Variants in TPX2 observed in about 807,000 individuals in gnomAD.
TPX2 encodes targeting protein for Xklp2.
A neutral mutation model predicts 93.6 loss-of-function variants in TPX2; 21 were observed. That is an observed-to-expected ratio of 0.22 (90% CI 0.16 to 0.32). TPX2 has a LOEUF of 0.32. TPX2 is among the 10% of genes least tolerant of loss of function. The probability of loss-of-function intolerance (pLI) is 1.00; values close to 1 mark genes in which losing one functional copy is unlikely to be tolerated. For missense variants in TPX2, 776 were observed against 871.1 expected (o/e 0.89, Z 1.37); for synonymous variants, 281 against 298.3 (o/e 0.94, Z 0.60).
chr20:31,772,145 C>G (rs143137872), intron 7 of TPX2, among the ~76,000 whole-genome samples: 1 of 151,836 alleles, frequency 6.6e-6, no homozygotes, highest in Non-Finnish European at 1.5e-5. Flanking sequence ...CTCAGCCTCC[C>G]GAGTAGCCCG....
At chr20:31,754,777 G>A (rs1177089044) in intron 2 of TPX2, among the ~76,000 whole-genome samples, 1 of 152,004 alleles carries the variant, frequency 6.6e-6, no homozygotes, top group Non-Finnish European at 1.5e-5. Context: ...TCAAGGATAA[G>A]TAATTATGGA....
At chr20:31,753,254 T>A (rs748485544) in intron 2 of TPX2, among the ~76,000 whole-genome samples, 1 of 152,232 alleles carries the variant, frequency 6.6e-6, no homozygotes, top group Non-Finnish European at 1.5e-5. Context: ...GAAAGAACAT[T>A]GTGCTGAAGT....
intron 4 of TPX2, among the ~76,000 whole-genome samples, chr20:31,765,314 CAAAA>C (rs796500792): frequency 1.9e-5 from 1 of 53,702 alleles, no homozygotes; most frequent in Non-Finnish European, 3.9e-5. Flanking sequence ...TATTGAAAAG[CAAAA>C]AAAAAAAAAA....
chr20:31,757,296 A>G (rs2061858056), intron 2 of TPX2, 111 bp from the exon 3 acceptor site: 1 of 586,406 alleles, frequency 1.7e-6, no homozygotes, highest in African/African-American at 1.9e-5. Context: ...GGACAAAGTA[A>G]GGCTATTTTC....
At position 31,760,382 on chromosome 20, in the gene TPX2, AT is replaced by A. The variant is rs1188327411; in HGVS notation, c.229+218del. ...CTCTTGGAGCTTAAGCTAACATAGA[AT>A]TTTTTTTTTTTTTTCTTTAAGATGG... On this transcript the variant is annotated intron_variant, in intron 4 of 17. Coordinates refer to ENST00000300403, the MANE Select transcript of TPX2 (RefSeq NM_012112.5). Among the ~76,000 whole-genome samples, 444 of 145,268 alleles carry A rather than the reference AT, an allele frequency of 3.1e-3. 2 individuals carry two copies. The highest frequency in any genetic ancestry group is 8.5e-3 in the African/African-American group (337 of 39,806).
At chr20:31,769,086 T>G (rs2061947231) in intron 5 of TPX2, among the ~76,000 whole-genome samples, 1 of 152,140 alleles carries the variant, frequency 6.6e-6, no homozygotes, top group South Asian at 2.1e-4. Context: ...AAAAGAATAC[T>G]TGTAGTAGTG....
At chr20:31,797,336 T>C in intron 15 of TPX2, 68 bp from the exon 16 acceptor site, 1 of 1,403,196 alleles carries the variant, frequency 7.1e-7, no homozygotes, top group Admixed American at 1.8e-5. Context: ...CATTAGAACT[T>C]AAGTTATTGA....
At chr20:31,747,182 G>A (rs1010256592) in intron 2 of TPX2, among the ~76,000 whole-genome samples, 2 of 152,144 alleles carry the variant, frequency 1.3e-5, no homozygotes, top group South Asian at 4.1e-4. Flanking sequence ...GTGCAGCGGT[G>A]CAATCTCGGC....
rs943998447 is a variant in TPX2 at position 31,739,291 on chromosome 20, A to T, written c.-508A>T. ...TGGGTTCAAAATTTCAACGATACTGAATGAGTCCCGCGGCGGGTTGGCTCG... is the reference window on the plus strand; with the variant it reads ...TGGGTTCAAAATTTCAACGATACTGTATGAGTCCCGCGGCGGGTTGGCTCG... On this transcript the variant is annotated 5_prime_UTR_variant, in exon 1 of 18. Transcript: ENST00000300403. 2.0e-5 allele frequency: 3 copies of T among 152,198 alleles called. No individual in the cohort carries two copies. Among genetic ancestry groups the T allele is most frequent in the African/African-American group, 7.2e-5 (3 of 41,452 alleles). 9.4% of individuals were successfully genotyped at this position (152,198 alleles called of 1,614,324 possible).
intron 8 of TPX2, among the ~76,000 whole-genome samples, chr20:31,776,568 C>G (rs1326125515): frequency 6.6e-6 from 1 of 151,146 alleles, no homozygotes; most frequent in Admixed American, 6.6e-5. Context: ...TCTTGTTGCC[C>G]AGGCTGGAGT....
intron 3 of TPX2, among the ~76,000 whole-genome samples, chr20:31,757,955 C>T (rs1285415194): frequency 1.3e-5 from 2 of 152,052 alleles, no homozygotes; most frequent in African/African-American, 4.8e-5. Flanking sequence ...AGGATATTGA[C>T]ATTCATACAA....
In TPX2 at chr20:31,750,250, C is replaced by G. The variant is rs1343180509; in HGVS notation, c.-70-7157C>G. Among the ~76,000 whole-genome samples, 4 of 151,928 alleles carry G rather than the reference C, an allele frequency of 2.6e-5. No individual in the cohort carries two copies. The East Asian group carries it at 5.8e-4, about 22-fold the overall frequency. The stretch of plus-strand genomic sequence containing the variant: ...TTGGCTCACTGCAACCTCCACCCCC[C>G]AGGTTCAAGCAATTCTCCTGCCTCA... On this transcript the variant is annotated intron_variant, in intron 2 of 17. Coordinates refer to ENST00000300403, the MANE Select transcript of TPX2 (RefSeq NM_012112.5).
chr20:31,754,679 A>G (rs2061840703), intron 2 of TPX2, among the ~76,000 whole-genome samples: 1 of 152,158 alleles, frequency 6.6e-6, no homozygotes, highest in South Asian at 2.1e-4. Flanking sequence ...TCTTAAGGGA[A>G]GAATTATGGA....
At chr20:31,757,641 C>A in intron 3 of TPX2, 59 bp downstream of exon 3, 1 of 1,348,890 alleles carries the variant, frequency 7.4e-7, no homozygotes, top group Non-Finnish European at 1.0e-6. Flanking sequence ...GTGCTGAAGA[C>A]CTTTCAATAA....
chr20:31,761,683 A>T (rs58786529), intron 4 of TPX2, among the ~76,000 whole-genome samples: 39 of 152,214 alleles, frequency 2.6e-4, no homozygotes, highest in South Asian at 1.5e-3. Flanking sequence ...CCATATCTTG[A>T]CTATTGTGAA....
chr20:31,771,714 A>G lies in TPX2; in HGVS notation c.608+32A>G, dbSNP rs182121524. On this transcript the variant is annotated intron_variant, in intron 7 of 17. Coordinates refer to ENST00000300403, the MANE Select transcript of TPX2 (RefSeq NM_012112.5). Reference sequence around the variant, plus strand: ...TTCTTTCCTGAATTTAAACTTTAGAATGAATGGTATAAAATTACAGATTTA... The same window carrying G: ...TTCTTTCCTGAATTTAAACTTTAGAGTGAATGGTATAAAATTACAGATTTA... 5,664 of 1,591,302 alleles carry G rather than the reference A, an allele frequency of 3.6e-3. 73 individuals are homozygous for G. Among genetic ancestry groups the G allele is most frequent in the Non-Finnish European group, 2.7e-3 (3,178 of 1,172,436 alleles).
chr20:31,761,198 T>A (rs1458315264), intron 4 of TPX2, among the ~76,000 whole-genome samples: 1 of 129,502 alleles, frequency 7.7e-6, no homozygotes, highest in East Asian at 2.3e-4. Context: ...CTTCAATTAA[T>A]TTTTTTTTTT....
At chr20:31,774,048 G>A (rs1025434879) in intron 7 of TPX2, among the ~76,000 whole-genome samples, 5 of 151,534 alleles carry the variant, frequency 3.3e-5, no homozygotes, top group African/African-American at 1.2e-4. Context: ...ATTTTTGTAT[G>A]TTTAGTAGAG....
At chr20:31,758,056 C>T (rs948359772) in intron 3 of TPX2, among the ~76,000 whole-genome samples, 12 of 151,662 alleles carry the variant, frequency 7.9e-5, no homozygotes, top group Non-Finnish European at 1.3e-4. Flanking sequence ...TATGTGTCTA[C>T]CATCACAGTC....
Sources: allele counts gnomAD v4.1 joint callset (sites outside exome capture counted in the v4.1 genomes callset), GRCh38; gene constraint gnomAD v4.1.1; transcripts MANE v1.5; gene names NCBI Gene and HGNC (gene_info 2026-07-23, HGNC 2026-07-21).